ARHGAP29: variants seen among roughly 807,000 people sequenced by gnomAD.
The protein encoded by ARHGAP29 is Rho GTPase activating protein 29.
ARHGAP29 carries 43 observed loss-of-function variants against 122.6 expected under a neutral mutation model. The observed-to-expected ratio is 0.35, with a 90% CI of 0.27 to 0.45. The LOEUF (loss-of-function observed/expected upper bound fraction) is 0.45, where lower values mean the gene tolerates loss of function less well. Ranked by LOEUF, ARHGAP29 falls within the 20% of genes least tolerant of loss-of-function variation. The pLI, the probability that ARHGAP29 is intolerant of heterozygous loss-of-function variation, is 1.00. For missense variants in ARHGAP29, 1,303 were observed against 1,477.2 expected, an observed-to-expected ratio of 0.88 and a Z score of 1.93; for synonymous variants, 506 against 497.1, an observed-to-expected ratio of 1.02 and a Z score of -0.24.
chr1:94,181,483 T>C (rs185448763), intron 19 of ARHGAP29, among the ~76,000 whole-genome samples: 3 of 152,298 alleles, frequency 2.0e-5, no homozygotes, highest in East Asian at 1.9e-4. Context: ...GTGGCCTTCT[T>C]AGCCTACTTG....
rs368250134 is a variant in ARHGAP29, at chr1:94,191,953, G to A, written c.1282-1870C>T. Reference sequence around the variant, plus strand: ...ATGAGCTTAATACACTGGCAGGTACGTAGTCAATCTTAGCTATTATTAGCT... The same window carrying A: ...ATGAGCTTAATACACTGGCAGGTACATAGTCAATCTTAGCTATTATTAGCT... On this transcript the variant is annotated intron_variant, in intron 12 of 22. Transcript: ENST00000260526. The A allele has an allele frequency of 3.3e-5, 5 of 152,150 alleles. No individual in the cohort carries two copies. The South Asian group carries it at 6.2e-4, about 19-fold the overall frequency. 9.4% of individuals were successfully genotyped at this position (152,150 alleles called of 1,614,324 possible). A position where few individuals can be genotyped will look rare whatever the true frequency, so the allele number is the denominator to read the frequency against.
the ARHGAP29 span, among the ~76,000 whole-genome samples, chr1:94,311,922 C>A: frequency 8.5e-5 from 13 of 152,320 alleles, no homozygotes; most frequent in East Asian, 2.3e-3. Flanking sequence ...TGTGTCTCTT[C>A]TTCCGCCATG....
chr1:94,309,220 A>G, the ARHGAP29 span, among the ~76,000 whole-genome samples: 1 of 152,252 alleles, frequency 6.6e-6, no homozygotes, highest in Non-Finnish European at 1.5e-5. Flanking sequence ...AACTTATGAG[A>G]GAGCCACAAC....
In ARHGAP29 at chr1:94,173,877, ATTG is replaced by A; in HGVS notation, c.3775_3777del (p.Gln1259del). The stretch of plus-strand genomic sequence containing the variant: ...CCTGAAATTTGACATCCCTACACAA[ATTG>A]TGGAATTTCACCTTCGAGGTCTTCA... On this transcript the variant is annotated inframe_deletion, in exon 23 of 23. Coordinates refer to ENST00000260526, the MANE Select transcript of ARHGAP29 (RefSeq NM_004815.4). The A allele has an allele frequency of 6.3e-7, 1 of 1,598,436 alleles. No homozygotes were observed. Among genetic ancestry groups the A allele is most frequent in the Non-Finnish European group, 8.6e-7 (1 of 1,168,442 alleles).
chr1:94,212,073 G>T (rs1232453532), intron 3 of ARHGAP29, among the ~76,000 whole-genome samples: 1 of 152,198 alleles, frequency 6.6e-6, no homozygotes, highest in East Asian at 1.9e-4. Flanking sequence ...GAGGTCAGGA[G>T]TTTGAGACCA....
chr1:94,229,758 A>T (rs778462775), intron 2 of ARHGAP29, among the ~76,000 whole-genome samples: 1 of 151,514 alleles, frequency 6.6e-6, no homozygotes, highest in Non-Finnish European at 1.5e-5. Flanking sequence ...CTTAGGGTCA[A>T]CTTTCAGTTG....
In ARHGAP29 at chr1:94,208,850, A is replaced by G. The variant is rs1221258748; in HGVS notation, c.492T>C (p.Pro164=). 2 of 1,613,974 alleles carry G rather than the reference A, an allele frequency of 1.2e-6. No homozygotes were observed. The highest frequency in any genetic ancestry group is 1.7e-5 in the Admixed American group (1 of 60,028). The change falls in exon 5 of 23, where the codon CCT becomes CCC. Residue 164 remains proline (P), a synonymous_variant. Transcript: ENST00000260526. Reference sequence around the variant, plus strand: ...AGCTTACCTTAGTTTCTCGAGAAACAGGCAGTCGCAATAATGAATCATTGC... The same window carrying G: ...AGCTTACCTTAGTTTCTCGAGAAACGGGCAGTCGCAATAATGAATCATTGC... ...DVGNDSLLRL[P]VSRETKSFEN...
chr1:94,253,671 C>T (rs535334671), intron 1 of ARHGAP29, among the ~76,000 whole-genome samples: 63 of 151,568 alleles, frequency 4.2e-4, no homozygotes, highest in Non-Finnish European at 7.7e-4. Context: ...CACGCACGCA[C>T]ATGCACACAT....
intron 1 of ARHGAP29, chr1:94,250,492 G>A (rs1415642953): frequency 6.6e-6 from 1 of 152,176 alleles, no homozygotes; most frequent in Non-Finnish European, 1.5e-5. Context: ...GGCTGTCCTT[G>A]ACCTCACTGC....
chr1:94,198,211 C>G (rs990559487), intron 12 of ARHGAP29, among the ~76,000 whole-genome samples: 13 of 152,178 alleles, frequency 8.5e-5, no homozygotes, highest in Admixed American at 5.9e-4. Flanking sequence ...CACGGTGGCT[C>G]ACACCTGTAA....
At chr1:94,244,318 C>T (rs185946604) in intron 1 of ARHGAP29, among the ~76,000 whole-genome samples, 1 of 151,714 alleles carries the variant, frequency 6.6e-6, no homozygotes, top group Non-Finnish European at 1.5e-5. Flanking sequence ...ACATAATGCC[C>T]AAGAAGGGTC....
At chr1:94,267,169 C>G (rs941921778) in intron 1 of ARHGAP29, among the ~76,000 whole-genome samples, 2 of 152,178 alleles carry the variant, frequency 1.3e-5, no homozygotes, top group Non-Finnish European at 2.9e-5. Context: ...AAAGGAGTCT[C>G]AAAGTACTAT....
At chr1:94,296,145 A>G in the ARHGAP29 span, among the ~76,000 whole-genome samples, 17 of 152,220 alleles carry the variant, frequency 1.1e-4, no homozygotes, top group Admixed American at 7.2e-4. Context: ...AACAATTCAT[A>G]AGTTTTAAAT....
the ARHGAP29 span, among the ~76,000 whole-genome samples, chr1:94,287,164 G>A: frequency 5.3e-5 from 8 of 152,042 alleles, 1 homozygote; most frequent in South Asian, 4.1e-4. Context: ...AAACACTTTC[G>A]TTTACTGGTT....
chr1:94,303,741 G>A, the ARHGAP29 span, among the ~76,000 whole-genome samples: 13 of 152,252 alleles, frequency 8.5e-5, no homozygotes, highest in Admixed American at 6.5e-4. Context: ...GTTTATAGTT[G>A]AGTAAGTGGA....
intron 2 of ARHGAP29, among the ~76,000 whole-genome samples, chr1:94,228,019 T>C (rs945637313): frequency 6.6e-6 from 1 of 151,764 alleles, no homozygotes; most frequent in Non-Finnish European, 1.5e-5. Flanking sequence ...GGAGGTTAAG[T>C]AGTGGAAAGA....
At chr1:94,277,199 C>T (rs563567793), upstream of ARHGAP29, among the ~76,000 whole-genome samples, 14 of 152,178 alleles carry the variant, frequency 9.2e-5, no homozygotes, top group Admixed American at 3.3e-4. Flanking sequence ...TTCTCTAAAA[C>T]GCTGGGAATT....
chr1:94,306,880 A>C, the ARHGAP29 span, among the ~76,000 whole-genome samples: 1 of 152,194 alleles, frequency 6.6e-6, no homozygotes, highest in Admixed American at 6.5e-5. Flanking sequence ...ATATATATAC[A>C]CACAAGATAA....
rs1411701 is a variant in ARHGAP29, at chr1:94,169,472, G to A, written c.*4397C>T. Among the ~76,000 whole-genome samples, 50,373 of 152,048 alleles carry A rather than the reference G, an allele frequency of 0.33. 8,566 individuals are homozygous for A. Among genetic ancestry groups the A allele is most frequent in the South Asian group, 0.43 (2,076 of 4,814 alleles). Reference sequence around the variant, plus strand: ...ATGAACAAATTATTTAGGATTATGGGAGTCAGGTTTCTATGAGAGAAGGAA... The same window carrying A: ...ATGAACAAATTATTTAGGATTATGGAAGTCAGGTTTCTATGAGAGAAGGAA... On this transcript the variant is annotated 3_prime_UTR_variant, in exon 23 of 23. Coordinates refer to ENST00000260526, the MANE Select transcript of ARHGAP29 (RefSeq NM_004815.4).
Sources: allele counts gnomAD v4.1 joint callset (sites outside exome capture counted in the v4.1 genomes callset), GRCh38; gene constraint gnomAD v4.1.1; transcripts MANE v1.5; gene names NCBI Gene and HGNC (gene_info 2026-07-23, HGNC 2026-07-21).